CRTC3: variants seen among roughly 807,000 people sequenced by gnomAD.
CRTC3 encodes the protein CREB-regulated transcription coactivator 3.
In CRTC3, 26 loss-of-function variants were observed where a neutral mutation model predicts 74.5. That is an observed-to-expected ratio of 0.35 (90% CI 0.26 to 0.48). CRTC3 has a LOEUF of 0.48. Among genes scored for constraint, CRTC3 ranks in the 20% least tolerant of loss-of-function variants. The pLI is 0.99. For missense variants in CRTC3, 760 were observed against 787.3 expected, an observed-to-expected ratio of 0.97 and a Z score of 0.41; for synonymous variants, 377 against 325.8, an observed-to-expected ratio of 1.16 and a Z score of -1.69.
At chr15:90,562,874 G>A (rs974307083) in intron 2 of CRTC3, among the ~76,000 whole-genome samples, 1 of 152,094 alleles carries the variant, frequency 6.6e-6, no homozygotes, top group Non-Finnish European at 1.5e-5. Context: ...AGGTCAGAAA[G>A]CCAGTGAGAA....
At chr15:90,570,930 TG>T (rs1444064818) in intron 2 of CRTC3, among the ~76,000 whole-genome samples, 2 of 152,116 alleles carry the variant, frequency 1.3e-5, no homozygotes, top group African/African-American at 4.8e-5. Flanking sequence ...GGGCACAGCT[TG>T]GGGGAATACA....
rs536854735 is a variant in CRTC3 at position 90,550,839 on chromosome 15, C to G, written c.231+10702C>G. 3.8e-3 allele frequency among the ~76,000 whole-genome samples: 570 copies of G among 151,170 alleles called. 6 individuals are homozygous for G. The highest frequency in any genetic ancestry group is 0.013 in the African/African-American group (552 of 41,016). ...CAGGCCTGGGAAAGGGGATCAGAAA[C>G]GGGTTTGTAGGGAAGGATGAGCTCT... On this transcript the variant is annotated intron_variant, in intron 2 of 14. Coordinates refer to ENST00000268184, the MANE Select transcript of CRTC3 (RefSeq NM_022769.5).
At position 90,536,056 on chromosome 15, in the gene CRTC3, A is replaced by G. The variant is rs191942040; in HGVS notation, c.133-3983A>G. Among the ~76,000 whole-genome samples, 70 of 152,298 alleles carry G rather than the reference A, an allele frequency of 4.6e-4. 1 individual carries two copies. The highest frequency in any genetic ancestry group is 1.6e-3 in the African/African-American group (67 of 41,576). On this transcript the variant is annotated intron_variant, in intron 1 of 14. Transcript: ENST00000268184. Reference sequence around the variant, plus strand: ...TTGTTGAAAAGACTTTTCTTTGCCCATTGAATTGCTGTGGCAATTTTGTTG... The same window carrying G: ...TTGTTGAAAAGACTTTTCTTTGCCCGTTGAATTGCTGTGGCAATTTTGTTG...
chr15:90,642,280 G>A lies in CRTC3; in HGVS notation c.*140G>A, dbSNP rs541061303. ...GCCACGGCTCCAGGGTTTCAGATGA[G>A]ATCCCATCTCAGACACTGTGGCTTC... On this transcript the variant is annotated 3_prime_UTR_variant, in exon 15 of 15. Transcript: ENST00000268184. The A allele has an allele frequency of 2.9e-6, 2 of 684,454 alleles. No individual in the cohort carries two copies. Among genetic ancestry groups the A allele is most frequent in the African/African-American group, 3.6e-5 (2 of 56,212 alleles). The allele number at this position is 684,454 out of a possible 1,614,324, so 42.4% of individuals were successfully genotyped here.
intron 2 of CRTC3, among the ~76,000 whole-genome samples, chr15:90,569,140 A>G (rs933438096): frequency 6.6e-6 from 1 of 151,810 alleles, no homozygotes; most frequent in African/African-American, 2.4e-5. Flanking sequence ...CTACAGGCAT[A>G]TGCCACCATG....
intron 1 of CRTC3, among the ~76,000 whole-genome samples, chr15:90,537,005 G>A (rs1000589394): frequency 1.3e-5 from 2 of 152,190 alleles, no homozygotes; most frequent in African/African-American, 4.8e-5. Context: ...TCAACATCTG[G>A]TGGGTAAACA....
chr15:90,588,677 G>T (rs1259426610), intron 2 of CRTC3, among the ~76,000 whole-genome samples: 5 of 74,598 alleles, frequency 6.7e-5, no homozygotes, highest in Non-Finnish European at 1.8e-4. Context: ...AACAGATGGT[G>T]CCTGAGCTGT....
chr15:90,608,362 CTT>C (rs1004482319), intron 6 of CRTC3, among the ~76,000 whole-genome samples: 1 of 152,166 alleles, frequency 6.6e-6, no homozygotes, highest in African/African-American at 2.4e-5. Context: ...GCCTCTCTCC[CTT>C]TTCTCTCTGC....
In CRTC3 at chr15:90,638,942, G is replaced by A. The variant is rs1175575845; in HGVS notation, c.1548+127G>A. On this transcript the variant is annotated intron_variant, in intron 13 of 14. Transcript: ENST00000268184. ...TTTCCTGGTTCTGGTTGTGTTCTGT[G>A]GCTAGAAGAGCCTTTCATCTTCTTT... The A allele has an allele frequency of 8.9e-6, 7 of 787,932 alleles. No individual in the cohort carries two copies. In the Middle Eastern group the frequency reaches 1.4e-3, roughly 161 times the overall value. The allele number at this position is 787,932 out of a possible 1,614,324, so 48.8% of individuals were successfully genotyped here. A position where few individuals can be genotyped will look rare whatever the true frequency, so the allele number is the denominator to read the frequency against.
In CRTC3 at chr15:90,644,663, T is replaced by G; in HGVS notation, c.*2523T>G. 1 of 232,338 alleles carries G rather than the reference T, an allele frequency of 4.3e-6. No individual in the cohort carries two copies. Among genetic ancestry groups the G allele is most frequent in the Non-Finnish European group, 8.5e-6 (1 of 117,472 alleles). The allele number at this position is 232,338 out of a possible 1,614,324, so 14.4% of individuals were successfully genotyped here. ...TCCGATCTTTTCTTGTGAAAGGTTT[T>G]GGGCATCGTACAACCCACTCTGCCT... On this transcript the variant is annotated 3_prime_UTR_variant, in exon 15 of 15. Coordinates refer to ENST00000268184, the MANE Select transcript of CRTC3 (RefSeq NM_022769.5).
At chr15:90,589,874 CT>C (rs1967759062) in intron 2 of CRTC3, among the ~76,000 whole-genome samples, 1 of 151,804 alleles carries the variant, frequency 6.6e-6, no homozygotes, top group East Asian at 1.9e-4. Context: ...GTAATCCCAG[CT>C]ACTCAGGAAA....
intron 2 of CRTC3, among the ~76,000 whole-genome samples, chr15:90,586,388 A>G (rs1215070387): frequency 5.1e-5 from 5 of 97,124 alleles, no homozygotes; most frequent in African/African-American, 8.3e-5. Context: ...TTTTTTTGAG[A>G]TGGAGTCTCG....
At chr15:90,570,390 C>T (rs569139476) in intron 2 of CRTC3, among the ~76,000 whole-genome samples, 16 of 152,214 alleles carry the variant, frequency 1.1e-4, no homozygotes, top group African/African-American at 3.9e-4. Flanking sequence ...CTCTCAAATT[C>T]TTGAGTTTCT....
intron 11 of CRTC3, 33 bp from the exon 12 acceptor site, chr15:90,638,413 G>A (rs1432987380): frequency 6.3e-7 from 1 of 1,587,292 alleles, no homozygotes; most frequent in African/African-American, 1.3e-5. Context: ...AAACGCAGAA[G>A]CTCATTAGTG....
intron 6 of CRTC3, chr15:90,614,091 T>C: frequency 9.8e-6 from 2 of 203,364 alleles, no homozygotes; most frequent in South Asian, 1.8e-4. Flanking sequence ...AGTTACCTGC[T>C]CTTAACCCCA....
chr15:90,535,999 T>C (rs960934887), intron 1 of CRTC3, among the ~76,000 whole-genome samples: 20 of 152,228 alleles, frequency 1.3e-4, no homozygotes, highest in African/African-American at 4.8e-4. Context: ...CTTCAGCTGC[T>C]TTTACTCCCT....
intron 6 of CRTC3, among the ~76,000 whole-genome samples, chr15:90,612,416 G>A (rs1968385117): frequency 6.6e-6 from 1 of 151,926 alleles, no homozygotes; most frequent in African/African-American, 2.4e-5. Flanking sequence ...CCTACTCCAT[G>A]AAGCCTTCCT....
intron 1 of CRTC3, among the ~76,000 whole-genome samples, chr15:90,533,376 G>A (rs533780282): frequency 7.4e-5 from 11 of 149,626 alleles, no homozygotes; most frequent in Non-Finnish European, 1.0e-4. Context: ...AGCCGAGATC[G>A]CGCCATTGCA....
intron 2 of CRTC3, among the ~76,000 whole-genome samples, chr15:90,574,680 C>G (rs1310402292): frequency 6.6e-6 from 1 of 152,140 alleles, no homozygotes; most frequent in Non-Finnish European, 1.5e-5. Flanking sequence ...TATGAAAGTG[C>G]CTGTTTGCCC....
Sources: allele counts gnomAD v4.1 joint callset (sites outside exome capture counted in the v4.1 genomes callset), GRCh38; gene constraint gnomAD v4.1.1; transcripts MANE v1.5; gene names NCBI Gene and HGNC (gene_info 2026-07-23, HGNC 2026-07-21).